The following PARD3B variants were observed in gnomAD, a reference collection of about 807,000 sequenced individuals.
The protein encoded by PARD3B is par-3 family cell polarity regulator beta.
PARD3B carries 103 observed loss-of-function variants against 130.2 expected under a neutral mutation model. The ratio of observed to expected loss-of-function variants is 0.79; its 90% CI spans 0.67 to 0.93. PARD3B has a LOEUF of 0.93. Ranked by LOEUF, PARD3B falls within the 40% of genes least tolerant of loss-of-function variation. The probability of loss-of-function intolerance (pLI) is 0.00; values close to 1 mark genes in which losing one functional copy is unlikely to be tolerated. For missense variants in PARD3B, 1,609 were observed against 1,499.2 expected (o/e 1.07, Z -1.21); for synonymous variants, 583 against 553.2 (o/e 1.05, Z -0.76).
At chr2:204,596,466 A>C (rs182691764) in intron 1 of PARD3B, among the ~76,000 whole-genome samples, 1 of 152,182 alleles carries the variant, frequency 6.6e-6, no homozygotes, top group Non-Finnish European at 1.5e-5. Flanking sequence ...CTTTTTTGAA[A>C]CCTGACTTCA....
At chr2:205,381,698 G>C (rs1164351046) in intron 18 of PARD3B, among the ~76,000 whole-genome samples, 4 of 151,958 alleles carry the variant, frequency 2.6e-5, no homozygotes, top group Admixed American at 1.3e-4. Context: ...AGCGAACGGA[G>C]AGTGGTATGT....
At chr2:205,245,027 T>C (rs946629663) in intron 15 of PARD3B, among the ~76,000 whole-genome samples, 1 of 152,258 alleles carries the variant, frequency 6.6e-6, no homozygotes, top group African/African-American at 2.4e-5. Context: ...GAGATTTTTC[T>C]GAAGATAGTA....
chr2:204,545,967 C>T lies in PARD3B; in HGVS notation c.-33C>T. On this transcript the variant is annotated 5_prime_UTR_variant, in exon 1 of 23. Coordinates refer to ENST00000406610, the MANE Select transcript of PARD3B (RefSeq NM_001302769.2). ...GCGCCCGCGGGGTCAGACACCTGTT[C>T]GGCCCGGCCCGGCGTGGTCGCCGGG... 1 of 1,531,370 alleles carries T rather than the reference C, an allele frequency of 6.5e-7. No homozygotes were observed. 94.9% of individuals were successfully genotyped at this position (1,531,370 alleles called of 1,614,324 possible).
At chr2:204,591,370 C>T (rs181085373) in intron 1 of PARD3B, among the ~76,000 whole-genome samples, 1 of 152,268 alleles carries the variant, frequency 6.6e-6, no homozygotes, top group Admixed American at 6.5e-5. Flanking sequence ...ACCTCTGACC[C>T]TTTTGTCTTA....
At position 205,366,535 on chromosome 2, in the gene PARD3B, A is replaced by T. The variant is rs1317706355; in HGVS notation, c.2631-34478A>T. Among the ~76,000 whole-genome samples the T allele has an allele frequency of 6.6e-6, 1 of 152,230 alleles. No homozygotes were observed. Among genetic ancestry groups the T allele is most frequent in the Non-Finnish European group, 1.5e-5 (1 of 68,044 alleles). ...GGACCCAGAGGAATAGAAATGTCAC[A>T]TCGTGACTGAGGGACAGAGCTAATG... On this transcript the variant is annotated intron_variant, in intron 18 of 22. Coordinates refer to ENST00000406610, the MANE Select transcript of PARD3B (RefSeq NM_001302769.2). This position sits in a 1 kb window ranked among gnomAD's most constrained non-coding sequence, Gnocchi z 5.0.
At chr2:204,910,408 GA>G (rs1359909787) in intron 2 of PARD3B, among the ~76,000 whole-genome samples, 1 of 152,154 alleles carries the variant, frequency 6.6e-6, no homozygotes, top group East Asian at 1.9e-4. Context: ...TGAAAGGTAA[GA>G]AATTTGTAAT....
At chr2:205,099,005 C>G (rs1248110711) in intron 4 of PARD3B, among the ~76,000 whole-genome samples, 1 of 152,108 alleles carries the variant, frequency 6.6e-6, no homozygotes, top group Non-Finnish European at 1.5e-5. Flanking sequence ...TACATATGAT[C>G]TGTCTGTTCC....
At chr2:205,252,808 T>C (rs1033690560) in intron 16 of PARD3B, among the ~76,000 whole-genome samples, 4 of 129,526 alleles carry the variant, frequency 3.1e-5, no homozygotes, top group Non-Finnish European at 6.2e-5. Context: ...TCTAGTAATA[T>C]CAATCTTTTG....
rs533945558 is a variant in PARD3B, at chr2:204,704,656, C to T, written c.222+18374C>T. On this transcript the variant is annotated intron_variant, in intron 2 of 22. Transcript: ENST00000406610. ...ACTTGCCTGTTAAATAGAACTTGCT[C>T]GTGGCTTTTAGTTATCAGAGATTTT... Among the ~76,000 whole-genome samples, 5 of 152,180 alleles carry T rather than the reference C, an allele frequency of 3.3e-5. 1 individual carries two copies. The highest frequency in any genetic ancestry group is 1.2e-4 in the African/African-American group (5 of 41,536).
intron 2 of PARD3B, among the ~76,000 whole-genome samples, chr2:204,825,286 A>T (rs1435783221): frequency 6.6e-6 from 1 of 152,202 alleles, no homozygotes; most frequent in Non-Finnish European, 1.5e-5. Flanking sequence ...TAATGTCCCC[A>T]GGGAGAGTTC....
intron 1 of PARD3B, among the ~76,000 whole-genome samples, chr2:204,607,226 A>G (rs2033754801): frequency 6.6e-6 from 1 of 152,204 alleles, no homozygotes; most frequent in Non-Finnish European, 1.5e-5. Flanking sequence ...AGGAAATTAT[A>G]GGGGCAGATT....
intron 22 of PARD3B, among the ~76,000 whole-genome samples, chr2:205,557,892 T>C (rs1315678747): frequency 6.6e-6 from 1 of 152,076 alleles, no homozygotes; most frequent in Non-Finnish European, 1.5e-5. Context: ...TTGGCGTTGC[T>C]TTCCTCCCCC....
chr2:205,249,175 A>ATTT (rs10707307), intron 16 of PARD3B, among the ~76,000 whole-genome samples: 1 of 136,768 alleles, frequency 7.3e-6, no homozygotes, highest in Non-Finnish European at 1.6e-5. Context: ...TGCCCGGCTA[A>ATTT]TTTTTTTTTT....
chr2:205,136,296 ACT>A (rs2032478607), intron 10 of PARD3B, among the ~76,000 whole-genome samples: 1 of 151,896 alleles, frequency 6.6e-6, no homozygotes, highest in African/African-American at 2.4e-5. Context: ...ACTAAGTAAC[ACT>A]CTATGTGTTT....
At chr2:205,493,086 G>T (rs1223427740) in intron 20 of PARD3B, among the ~76,000 whole-genome samples, 1 of 151,854 alleles carries the variant, frequency 6.6e-6, no homozygotes, top group Admixed American at 6.6e-5. Flanking sequence ...TCTTTTCTTG[G>T]GATTTGAGAA....
In PARD3B at chr2:205,309,313, A is replaced by G. The variant is rs13394469; in HGVS notation, c.2630+7612A>G. Among the ~76,000 whole-genome samples the G allele has an allele frequency of 0.053, 8,130 of 152,234 alleles. 683 individuals are homozygous for G. Among genetic ancestry groups the G allele is most frequent in the African/African-American group, 0.18 (7,466 of 41,510 alleles). On this transcript the variant is annotated intron_variant, in intron 18 of 22. Coordinates refer to ENST00000406610, the MANE Select transcript of PARD3B (RefSeq NM_001302769.2). This position sits in a 1 kb window ranked among gnomAD's most constrained non-coding sequence, Gnocchi z 4.7. Reference sequence around the variant, plus strand: ...ATTCTTTATTGTTTCTTCTCAACTCAGATAATGCAAGCATACCTCAAAGAT... The same window carrying G: ...ATTCTTTATTGTTTCTTCTCAACTCGGATAATGCAAGCATACCTCAAAGAT...
At chr2:204,573,892 G>A (rs1350080714) in intron 1 of PARD3B, among the ~76,000 whole-genome samples, 2 of 152,200 alleles carry the variant, frequency 1.3e-5, no homozygotes, top group African/African-American at 4.8e-5. Context: ...CACCTGCTGA[G>A]CCCAGGGTTA....
chr2:205,059,684 C>T (rs931741241), intron 4 of PARD3B, among the ~76,000 whole-genome samples: 9 of 152,066 alleles, frequency 5.9e-5, no homozygotes, highest in African/African-American at 7.2e-5. Flanking sequence ...CATTAGAACA[C>T]GGCATCATGC....
At chr2:204,672,932 C>T (rs1004764987) in intron 1 of PARD3B, among the ~76,000 whole-genome samples, 2 of 152,244 alleles carry the variant, frequency 1.3e-5, no homozygotes, top group African/African-American at 2.4e-5. Flanking sequence ...TCAGAAATGG[C>T]GCTGCCTTTG....
Sources: allele counts gnomAD v4.1 joint callset (sites outside exome capture counted in the v4.1 genomes callset), GRCh38; gene constraint gnomAD v4.1.1; non-coding constraint Gnocchi (gnomAD v3.1); transcripts MANE v1.5; gene names NCBI Gene and HGNC (gene_info 2026-07-23, HGNC 2026-07-21).